IFT80: variants seen among roughly 807,000 people sequenced by gnomAD.
The protein encoded by IFT80 is intraflagellar transport protein 80 homolog.
In IFT80, 79 loss-of-function variants were observed where a neutral mutation model predicts 107.9. The ratio of observed to expected loss-of-function variants is 0.73; its 90% CI spans 0.61 to 0.88. IFT80 has a LOEUF of 0.88. Among genes scored for constraint, IFT80 ranks in the 40% least tolerant of loss-of-function variants. IFT80 has a pLI of 0.00. For synonymous variants in IFT80, 299 were observed against 300.9 expected (o/e 0.99, Z 0.07); for missense variants, 797 against 914.2 (o/e 0.87, Z 1.65).
At chr3:160,268,565 A>G (rs1187794495) in intron 18 of IFT80, 29 bp from the exon 19 acceptor site, 1 of 1,609,388 alleles carries the variant, frequency 6.2e-7, no homozygotes. Context: ...CAGATTATTA[A>G]CATTGTTTGT....
chr3:160,277,416 G>A lies in IFT80; in HGVS notation c.1989C>T (p.Ala663=). ...TGTTCCCACTAAACAGTAGTATGTG[G>A]GCCATTTTTGATTCTTTAGATGGAA... ...KNLPSKESKM[A]HILLFSGNIQ... The change falls in exon 18 of 20, where the codon GCC becomes GCT. Residue 663 remains alanine, a synonymous_variant. Coordinates refer to ENST00000326448, the MANE Select transcript of IFT80 (RefSeq NM_020800.3). The A allele has an allele frequency of 1.2e-6, 2 of 1,612,332 alleles. No homozygotes were observed. Among genetic ancestry groups the A allele is most frequent in the Middle Eastern group, 1.7e-4 (1 of 6,048 alleles).
At chr3:160,371,468 G>T (rs1711523164) in intron 5 of IFT80, among the ~76,000 whole-genome samples, 1 of 152,036 alleles carries the variant, frequency 6.6e-6, no homozygotes. Context: ...TTGAGAAAGG[G>T]TCTTACTCTG....
chr3:160,342,372 TAA>T lies in IFT80; in HGVS notation c.777+13639_777+13640del. Among the ~76,000 whole-genome samples, 4 of 152,304 alleles carry T rather than the reference TAA, an allele frequency of 2.6e-5. No homozygotes were observed. The East Asian group carries it at 7.7e-4, about 29-fold the overall frequency. The stretch of plus-strand genomic sequence containing the variant: ...GAGAATAACAATTCAGAATGTTTTA[TAA>T]AGTGTTGATATATCAAAAAGTGATA... On this transcript the variant is annotated intron_variant, in intron 8 of 19. Coordinates refer to ENST00000326448, the MANE Select transcript of IFT80 (RefSeq NM_020800.3).
intron 5 of IFT80, among the ~76,000 whole-genome samples, chr3:160,375,175 C>T (rs1036921171): frequency 3.3e-5 from 5 of 152,100 alleles, no homozygotes; most frequent in Admixed American, 1.3e-4. Context: ...ATTAAAACTG[C>T]TTACTGTTCC....
intron 9 of IFT80, among the ~76,000 whole-genome samples, chr3:160,313,200 T>C (rs1717546993): frequency 6.9e-6 from 1 of 143,960 alleles, no homozygotes. Context: ...TCAGAGATTT[T>C]TTTTTTTAAA....
At chr3:160,363,093 T>A (rs891324249) in intron 6 of IFT80, among the ~76,000 whole-genome samples, 3 of 152,222 alleles carry the variant, frequency 2.0e-5, no homozygotes, top group Admixed American at 2.0e-4. Context: ...TGTTTGCAGA[T>A]GACACAATCG....
At position 160,282,476 on chromosome 3, in the gene IFT80, AC is replaced by A; in HGVS notation, c.1516+1del. Reference sequence around the variant, plus strand: ...ACTTAAAATGTATTAAAATTATTTTACCAAGCTTGATAATTTGTTCTTCCTT... The same window carrying A: ...ACTTAAAATGTATTAAAATTATTTTACAAGCTTGATAATTTGTTCTTCCTT... On this transcript the variant is annotated splice_donor_variant, in intron 14 of 19. Coordinates refer to ENST00000326448, the MANE Select transcript of IFT80 (RefSeq NM_020800.3). LOFTEE classifies it high-confidence loss of function. The A allele has an allele frequency of 6.4e-7, 1 of 1,568,518 alleles. No homozygotes were observed. The highest frequency in any genetic ancestry group is 8.7e-7 in the Non-Finnish European group (1 of 1,145,686).
In IFT80 at chr3:160,277,607, C is replaced by T; in HGVS notation, c.1900G>A (p.Glu634Lys). Residue 634 changes from glutamate to lysine, a missense_variant, in exon 17 of 20, where the codon GAA becomes AAA. Transcript: ENST00000326448. ...AVANRDMTTA[E>K]IAYAAIGEID... Reference sequence around the variant, plus strand: ...TCACCAATTGCTGCATAGGCTATTTCTGCAGTAGTCATATCTCGATTAGCA... The same window carrying T: ...TCACCAATTGCTGCATAGGCTATTTTTGCAGTAGTCATATCTCGATTAGCA... 6.2e-7 allele frequency: 1 copy of T among 1,613,454 alleles called. No homozygotes were observed.
chr3:160,383,997 C>CT, intron 2 of IFT80: 2 of 943,036 alleles, frequency 2.1e-6, no homozygotes, highest in Non-Finnish European at 2.5e-6. Flanking sequence ...GTAATCCCAG[C>CT]ACTTTGGGAG....
At chr3:160,371,795 TTCC>T (rs1711547105) in intron 5 of IFT80, among the ~76,000 whole-genome samples, 1 of 152,220 alleles carries the variant, frequency 6.6e-6, no homozygotes, top group South Asian at 2.1e-4. Flanking sequence ...TATAGGCAAG[TTCC>T]ATGTTTTGTT....
chr3:160,272,369 G>T (rs1456868455), intron 18 of IFT80, among the ~76,000 whole-genome samples: 1 of 152,128 alleles, frequency 6.6e-6, no homozygotes, highest in African/African-American at 2.4e-5. Flanking sequence ...AATATTTACA[G>T]AAAAAAATGA....
intron 8 of IFT80, among the ~76,000 whole-genome samples, chr3:160,336,975 C>T (rs1400311390): frequency 6.6e-6 from 1 of 152,140 alleles, no homozygotes; most frequent in Non-Finnish European, 1.5e-5. Flanking sequence ...TTTTCCCCTC[C>T]TCTCCTTTTC....
chr3:160,397,253 G>A (rs921466671), intron 1 of IFT80, among the ~76,000 whole-genome samples: 2 of 152,124 alleles, frequency 1.3e-5, no homozygotes, highest in African/African-American at 2.4e-5. Context: ...AGCCTAGACT[G>A]ATCTCAGTTT....
At chr3:160,274,953 G>C (rs999777161) in intron 18 of IFT80, among the ~76,000 whole-genome samples, 1 of 152,166 alleles carries the variant, frequency 6.6e-6, no homozygotes, top group Non-Finnish European at 1.5e-5. Flanking sequence ...AATGGTACCA[G>C]CCATAGATAA....
Position 160,381,626 on chromosome 3 carries a change from C to T in IFT80, c.136G>A (p.Glu46Lys), listed in dbSNP as rs1712526736. Residue 46 changes from glutamate to lysine, a missense_variant, in exon 3 of 20, where the codon GAA becomes AAA. Transcript: ENST00000326448. ...QIVKWNLLTS[E>K]TTQIVKLPDD... Reference sequence around the variant, plus strand: ...GGAAGCTTTACTATTTGAGTTGTTTCACTGGTTAACAAGTTCCACTTCACT... The same window carrying T: ...GGAAGCTTTACTATTTGAGTTGTTTTACTGGTTAACAAGTTCCACTTCACT... The T allele has an allele frequency of 2.5e-6, 4 of 1,612,752 alleles. No individual in the cohort carries two copies. Among genetic ancestry groups the T allele is most frequent in the African/African-American group, 1.3e-5 (1 of 74,848 alleles).
chr3:160,359,196 G>A (rs1260577614), intron 6 of IFT80, among the ~76,000 whole-genome samples: 2 of 152,140 alleles, frequency 1.3e-5, no homozygotes, highest in East Asian at 3.8e-4. Flanking sequence ...TTTAAGTCCT[G>A]TTTCTCTCTA....
intron 10 of IFT80, among the ~76,000 whole-genome samples, chr3:160,304,744 TAAC>T (rs1000441593): frequency 2.0e-5 from 3 of 152,126 alleles, no homozygotes; most frequent in Admixed American, 1.3e-4. Context: ...CACTTGATCT[TAAC>T]AAGCTTAACC....
intron 1 of IFT80, among the ~76,000 whole-genome samples, chr3:160,396,499 G>T (rs1301334444): frequency 6.6e-6 from 1 of 152,036 alleles, no homozygotes; most frequent in Admixed American, 6.6e-5. Flanking sequence ...AAAAAACCTT[G>T]CACTTAAAGA....
intron 6 of IFT80, among the ~76,000 whole-genome samples, chr3:160,363,968 A>G (rs2108374165): frequency 6.6e-6 from 1 of 152,334 alleles, no homozygotes; most frequent in East Asian, 1.9e-4. Context: ...CATGACTAAT[A>G]CACCAAAAGC....
Sources: gnomAD v4.1 joint callset for allele counts (sites outside exome capture counted in the v4.1 genomes callset) on GRCh38, gnomAD v4.1.1 for gene constraint, MANE v1.5 for transcripts, NCBI Gene and HGNC (gene_info 2026-07-23, HGNC 2026-07-21) for gene names.